Variants in NMRAL1 observed in about 807,000 individuals in gnomAD.
The protein encoded by NMRAL1 is nmrA-like family domain-containing protein 1.
NMRAL1 carries 32 observed loss-of-function variants against 27.5 expected under a neutral mutation model. That is an observed-to-expected ratio of 1.16 (90% CI 0.88 to 1.56). NMRAL1 has a LOEUF of 1.56. NMRAL1 is among the 40% of genes most tolerant of loss of function. The pLI is 0.00. For synonymous variants in NMRAL1, 166 were observed against 166.8 expected (o/e 1.00, Z 0.04); for missense variants, 420 against 392.0 (o/e 1.07, Z -0.60).
chr16:4,469,351 G>T lies in NMRAL1; in HGVS notation c.155C>A (p.Ala52Glu). Residue 52 changes from alanine (A) to glutamate (E), a missense_variant, in exon 3 of 6, where the codon GCA becomes GAA. Coordinates refer to ENST00000283429, the MANE Select transcript of NMRAL1 (RefSeq NM_020677.6). ...KAAKELRLQGAEVVQGDQDDQ... is the reference protein window; with the variant it reads ...KAAKELRLQGEEVVQGDQDDQ... ...ATCTTGGTCTCCCTGCACTACTTCT[G>T]CACCTTGCAGCCTCAGCTCCTTTGC... is the stretch of plus-strand genomic sequence containing the variant. 1 of 1,614,022 alleles carries T rather than the reference G, an allele frequency of 6.2e-7. No individual in the cohort carries two copies. The highest frequency in any genetic ancestry group is 1.1e-5 in the South Asian group (1 of 91,076).
chr16:4,474,826 G>A (rs897454000), upstream of NMRAL1: 4 of 152,274 alleles, frequency 2.6e-5, no homozygotes, highest in African/African-American at 9.7e-5. Context: ...TCTTTATCTT[G>A]CATGAACATC....
At chr16:4,465,102 G>T (rs1181506006) in intron 4 of NMRAL1, among the ~76,000 whole-genome samples, 1 of 151,576 alleles carries the variant, frequency 6.6e-6, no homozygotes, top group African/African-American at 2.4e-5. Context: ...AGTAGAGATG[G>T]GGTTTCACAC....
chr16:4,466,697 T>C, intron 3 of NMRAL1: 1 of 412,684 alleles, frequency 2.4e-6, no homozygotes, highest in Non-Finnish European at 4.5e-6. Flanking sequence ...TAAAGGAGAA[T>C]GCACACGTCC....
rs59245472 is a variant in NMRAL1, at chr16:4,468,615, C to CAAA, written c.279+609_279+611dup. Among the ~76,000 whole-genome samples, 199 of 128,248 alleles carry CAAA rather than the reference C, an allele frequency of 1.6e-3. 5 individuals carry two copies. Among genetic ancestry groups the CAAA allele is most frequent in the African/African-American group, 6.0e-3 (188 of 31,138 alleles). The allele number at this position is 128,248 out of a possible 152,430, so 84.1% of individuals were successfully genotyped here. A position where few individuals can be genotyped will look rare whatever the true frequency, so the allele number is the denominator to read the frequency against. On this transcript the variant is annotated intron_variant, in intron 3 of 5. Transcript: ENST00000283429. ...TGGGCGACAGAGCAAGACTCAGTCT[C>CAAA]AAAAAAAAAAAAAAAAAAAAGATCT...
Position 4,463,861 on chromosome 16 carries a change from G to A in NMRAL1, c.530-11C>T, listed in dbSNP as rs2057210988. On this transcript the variant is annotated splice_polypyrimidine_tract_variant and intron_variant, in intron 4 of 5. Transcript: ENST00000283429. ...CACCTGTGGGCAAGCCTGTGGGGCA[G>A]AGACGTGAGCTGGTATATGTCCCGA... 6.2e-7 allele frequency: 1 copy of A among 1,610,784 alleles called. No homozygotes were observed. The highest frequency in any genetic ancestry group is 1.3e-5 in the African/African-American group (1 of 74,886).
chr16:4,470,161 C>CAAAAAA (rs34104543), intron 2 of NMRAL1, among the ~76,000 whole-genome samples: 1 of 51,494 alleles, frequency 1.9e-5, no homozygotes. Context: ...GATTCCCTCT[C>CAAAAAA]AAAAAAAAAA....
chr16:4,470,609 C>G (rs1472504809), intron 2 of NMRAL1, among the ~76,000 whole-genome samples: 1 of 151,896 alleles, frequency 6.6e-6, no homozygotes, highest in Non-Finnish European at 1.5e-5. Context: ...GTCAGGAGCT[C>G]AAGACCAGCC....
intron 4 of NMRAL1, 32 bp from the exon 5 acceptor site, chr16:4,463,882 C>A (rs777752466): frequency 1.9e-6 from 3 of 1,591,698 alleles, no homozygotes; most frequent in Non-Finnish European, 2.6e-6. Flanking sequence ...TGGTATATGT[C>A]CCGAGGGCAG....
rs117607423 is a variant in NMRAL1 at position 4,472,695 on chromosome 16, G to T, written c.40+1398C>A. ...AGTGGCAGAAGTTGCAGTGAGCAGA[G>T]ATCACGCCACTGCACTGCTGCCTGG... On this transcript the variant is annotated intron_variant, in intron 2 of 5. Coordinates refer to ENST00000283429, the MANE Select transcript of NMRAL1 (RefSeq NM_020677.6). 8.4e-3 allele frequency among the ~76,000 whole-genome samples: 1,241 copies of T among 147,190 alleles called. 16 individuals are homozygous for T. Among genetic ancestry groups the T allele is most frequent in the Non-Finnish European group, 0.013 (898 of 67,694 alleles).
chr16:4,475,535 C>A (rs2057796645), upstream of NMRAL1, among the ~76,000 whole-genome samples: 1 of 151,372 alleles, frequency 6.6e-6, no homozygotes, highest in Non-Finnish European at 1.5e-5. Flanking sequence ...TGGTCTCGAA[C>A]TGCTGACCTC....
At chr16:4,468,340 G>C (rs1478728285) in intron 3 of NMRAL1, among the ~76,000 whole-genome samples, 3 of 151,986 alleles carry the variant, frequency 2.0e-5, no homozygotes, top group Admixed American at 6.6e-5. Flanking sequence ...CTCAGGGCCG[G>C]GCATGTGGCT....
intron 2 of NMRAL1, 116 bp downstream of exon 2, chr16:4,473,977 C>T: frequency 1.3e-6 from 1 of 746,796 alleles, no homozygotes; most frequent in Non-Finnish European, 2.3e-6. Context: ...GACCACAGCC[C>T]CAACCTGGGT....
chr16:4,464,950 C>G (rs1596385662), intron 4 of NMRAL1, among the ~76,000 whole-genome samples: 1 of 149,740 alleles, frequency 6.7e-6, no homozygotes, highest in South Asian at 2.1e-4. Context: ...CTCTGTCACC[C>G]AGGCTGGAGT....
chr16:4,473,145 T>A (rs1360892260), intron 2 of NMRAL1, among the ~76,000 whole-genome samples: 1 of 151,984 alleles, frequency 6.6e-6, no homozygotes, highest in East Asian at 1.9e-4. Context: ...TTTTTGTATT[T>A]TTTTGTAGAG....
At chr16:4,462,126 G>A (rs2057136307) in intron 5 of NMRAL1, among the ~76,000 whole-genome samples, 167 bp from the exon 6 acceptor site, 1 of 152,234 alleles carries the variant, frequency 6.6e-6, no homozygotes, top group Non-Finnish European at 1.5e-5. Context: ...AAACTTCTAA[G>A]AGCCGAAAGT....
rs1433555802 is a variant in NMRAL1 at position 4,466,382 on chromosome 16, C to G, written c.300G>C (p.Leu100=). ...CATAGTGGAGGCCCAGGCGCCTGGC[C>G]AGATCAGCGAGCAGCTTCCCCTGGA... The part of the protein sequence containing the change: ...EVKQGKLLAD[L]ARRLGLHYVV... The change falls in exon 4 of 6, where the codon CTG becomes CTC. Residue 100 remains leucine, a synonymous_variant. Transcript: ENST00000283429. 1.9e-6 allele frequency: 3 copies of G among 1,612,524 alleles called. No homozygotes were observed. In the African/African-American group the frequency reaches 4.0e-5, roughly 22 times the overall value.
chr16:4,469,667 T>C (rs2141449524), intron 2 of NMRAL1: 1 of 1,117,822 alleles, frequency 8.9e-7, no homozygotes, highest in East Asian at 2.6e-5. Flanking sequence ...TGAAGTGCAG[T>C]GGCACGATCT....
intron 3 of NMRAL1, among the ~76,000 whole-genome samples, chr16:4,468,071 A>G (rs1297928123): frequency 1.3e-5 from 2 of 150,198 alleles, no homozygotes; most frequent in South Asian, 2.1e-4. Flanking sequence ...AGGCCGAGGC[A>G]GGCGGATCGC....
Position 4,463,217 on chromosome 16 carries a change from G to A in NMRAL1, c.720+443C>T, listed in dbSNP as rs1321770649. The stretch of plus-strand genomic sequence containing the variant: ...TGGTAATGACAAACATTAGAAACCA[G>A]GTACCCAAGAGTCTGTCCAGTAGGC... On this transcript the variant is annotated intron_variant, in intron 5 of 5. Coordinates refer to ENST00000283429, the MANE Select transcript of NMRAL1 (RefSeq NM_020677.6). Among the ~76,000 whole-genome samples the A allele has an allele frequency of 3.9e-5, 6 of 152,310 alleles. No homozygotes were observed. The East Asian group carries it at 1.2e-3, about 29-fold the overall frequency.
Sources: gnomAD v4.1 joint callset for allele counts (sites outside exome capture counted in the v4.1 genomes callset) on GRCh38, gnomAD v4.1.1 for gene constraint, MANE v1.5 for transcripts, NCBI Gene and HGNC (gene_info 2026-07-23, HGNC 2026-07-21) for gene names.